PSPC1: variants seen among roughly 807,000 people sequenced by gnomAD.
The protein encoded by PSPC1 is paraspeckle protein 1.
PSPC1 carries 14 observed loss-of-function variants against 51.6 expected under a neutral mutation model. That is an observed-to-expected ratio of 0.27 (90% confidence interval 0.18 to 0.42). The LOEUF (loss-of-function observed/expected upper bound fraction) is 0.42, where lower values mean the gene tolerates loss of function less well. Among genes scored for constraint, PSPC1 ranks in the 10% least tolerant of loss-of-function variants. The probability of loss-of-function intolerance (pLI) is 1.00; values close to 1 mark genes in which losing one functional copy is unlikely to be tolerated. For missense variants in PSPC1, 406 were observed against 701.1 expected, an observed-to-expected ratio of 0.58 and a Z score of 4.75; for synonymous variants, 193 against 231.9, an observed-to-expected ratio of 0.83 and a Z score of 1.53.
At chr13:19,703,939 G>T (rs28505289) in intron 8 of PSPC1, among the ~76,000 whole-genome samples, 1 of 151,912 alleles carries the variant, frequency 6.6e-6, no homozygotes, top group Non-Finnish European at 1.5e-5. Flanking sequence ...AAAAATTAAT[G>T]TAATAACATG....
intron 6 of PSPC1, among the ~76,000 whole-genome samples, chr13:19,696,144 T>C (rs1204237895): frequency 6.6e-6 from 1 of 152,136 alleles, no homozygotes; most frequent in African/African-American, 2.4e-5. Flanking sequence ...AATCTCAAAA[T>C]GGCTGATTCA....
Position 19,782,288 on chromosome 13 carries a change from T to A in PSPC1, c.372+98A>T. The A allele has an allele frequency of 6.9e-7, 1 of 1,453,214 alleles. No homozygotes were observed. The highest frequency in any genetic ancestry group is 9.0e-7 in the Non-Finnish European group (1 of 1,105,980). The allele number at this position is 1,453,214 out of a possible 1,614,324, so 90.0% of individuals were successfully genotyped here. A position where few individuals can be genotyped will look rare whatever the true frequency, so the allele number is the denominator to read the frequency against. On this transcript the variant is annotated intron_variant, in intron 1 of 8. Coordinates refer to ENST00000338910, the MANE Select transcript of PSPC1 (RefSeq NM_001354909.2). The surrounding 1 kb of genome is among the most constrained non-coding windows in gnomAD (Gnocchi z 4.5). ...CGAGCGGCGCCACGGTTGCCACAGG[T>A]TGAGACAGCGTCCTAGGACGAGGCT... is the stretch of plus-strand genomic sequence containing the variant.
intron 6 of PSPC1, among the ~76,000 whole-genome samples, chr13:19,693,108 G>A (rs1460399950): frequency 6.6e-6 from 1 of 152,038 alleles, no homozygotes; most frequent in Non-Finnish European, 1.5e-5. Context: ...CAGTCTTAGC[G>A]TCCTCCCCTT....
At chr13:19,694,152 CATAT>C (rs68075347) in intron 6 of PSPC1, among the ~76,000 whole-genome samples, 3 of 119,860 alleles carry the variant, frequency 2.5e-5, no homozygotes, top group African/African-American at 3.2e-5. Context: ...AAAAAAAAAC[CATAT>C]ATATATATAT....
intron 4 of PSPC1, among the ~76,000 whole-genome samples, chr13:19,747,526 T>TA (rs1886119808): frequency 6.6e-6 from 1 of 152,010 alleles, no homozygotes; most frequent in Non-Finnish European, 1.5e-5. Context: ...AGAGACGGGG[T>TA]CTCACTGTGT....
intron 4 of PSPC1, among the ~76,000 whole-genome samples, chr13:19,746,994 G>GCTA (rs1302284892): frequency 1.3e-5 from 2 of 152,028 alleles, no homozygotes; most frequent in South Asian, 4.1e-4. Flanking sequence ...TGTAATCCCA[G>GCTA]CTACTCAAGA....
intron 2 of PSPC1, among the ~76,000 whole-genome samples, chr13:19,763,156 C>A (rs2340649): frequency 0.8 from 121,760 of 151,798 alleles, 50,140 homozygotes; most frequent in East Asian, 0.96. Flanking sequence ...ATAATAACTA[C>A]ATTTATTCTT....
intron 6 of PSPC1, among the ~76,000 whole-genome samples, chr13:19,721,131 T>C (rs1170503930): frequency 1.3e-5 from 2 of 152,188 alleles, no homozygotes; most frequent in African/African-American, 4.8e-5. Flanking sequence ...AGATCTTAGA[T>C]ACTGACTAGC....
chr13:19,721,240 T>C (rs1882732964), intron 6 of PSPC1, among the ~76,000 whole-genome samples: 1 of 150,826 alleles, frequency 6.6e-6, no homozygotes, highest in Non-Finnish European at 1.5e-5. Flanking sequence ...GTTAAATTTT[T>C]ATGCCTTCTG....
intron 3 of PSPC1, among the ~76,000 whole-genome samples, chr13:19,758,022 A>C (rs1220570517): frequency 6.6e-6 from 1 of 152,156 alleles, no homozygotes; most frequent in African/African-American, 2.4e-5. Flanking sequence ...ACTTAAAAAA[A>C]AAATGCACTC....
chr13:19,677,658 G>GA (rs1326088643), intron 7 of PSPC1: 15 of 410,318 alleles, frequency 3.7e-5, no homozygotes, highest in African/African-American at 2.3e-4. Flanking sequence ...GAATTGACTA[G>GA]AAAAAACTAG....
At chr13:19,752,914 G>T (rs932685272) in intron 3 of PSPC1, among the ~76,000 whole-genome samples, 1 of 151,806 alleles carries the variant, frequency 6.6e-6, no homozygotes, top group African/African-American at 2.4e-5. Context: ...AATTTTTGTT[G>T]TTGGAGGTGT....
chr13:19,725,946 G>T (rs893403220), intron 6 of PSPC1, among the ~76,000 whole-genome samples: 2 of 152,100 alleles, frequency 1.3e-5, no homozygotes, highest in East Asian at 3.8e-4. Flanking sequence ...GATAGCTTCA[G>T]GAGGTCAAGA....
At chr13:19,760,983 G>A (rs1052931380) in intron 2 of PSPC1, among the ~76,000 whole-genome samples, 3 of 151,064 alleles carry the variant, frequency 2.0e-5, no homozygotes, top group Admixed American at 6.6e-5. Flanking sequence ...GTGAAACTCC[G>A]TCTCAAATTA....
At position 19,754,805 on chromosome 13, in the gene PSPC1, T is replaced by G. The variant is rs112656948; in HGVS notation, c.771-3338A>C. Among the ~76,000 whole-genome samples the G allele has an allele frequency of 5.7e-3, 863 of 152,338 alleles. 8 individuals carry two copies. The highest frequency in any genetic ancestry group is 8.8e-3 in the Non-Finnish European group (602 of 68,032). ...AAACAAATATTGCCTATAAAGTCTA[T>G]TCTTGTTAACAACCTTGTACTTCTA... On this transcript the variant is annotated intron_variant, in intron 3 of 8. Coordinates refer to ENST00000338910, the MANE Select transcript of PSPC1 (RefSeq NM_001354909.2).
intron 5 of PSPC1, among the ~76,000 whole-genome samples, chr13:19,739,353 CA>C (rs1566014143): frequency 6.6e-6 from 1 of 152,072 alleles, no homozygotes; most frequent in Non-Finnish European, 1.5e-5. Flanking sequence ...GGTATAATTT[CA>C]AAAAGCCTAG....
intron 4 of PSPC1, among the ~76,000 whole-genome samples, chr13:19,745,757 C>T (rs1171795742): frequency 6.6e-6 from 1 of 151,670 alleles, no homozygotes; most frequent in African/African-American, 2.4e-5. Context: ...GTAGCTGGGA[C>T]TACAGGCGCA....
chr13:19,780,984 C>A (rs956817672), intron 1 of PSPC1, among the ~76,000 whole-genome samples: 3 of 151,892 alleles, frequency 2.0e-5, no homozygotes, highest in African/African-American at 4.8e-5. Context: ...TGGCGAAACA[C>A]CGCCTCTACA....
chr13:19,765,750 A>C (rs1444554926), intron 2 of PSPC1, among the ~76,000 whole-genome samples: 1 of 152,176 alleles, frequency 6.6e-6, no homozygotes, highest in African/African-American at 2.4e-5. Context: ...CAAAAAAAAG[A>C]AAGCAAAAAA....
Sources: gnomAD v4.1 joint callset for allele counts (sites outside exome capture counted in the v4.1 genomes callset) on GRCh38, gnomAD v4.1.1 for gene constraint, Gnocchi (gnomAD v3.1) non-coding constraint, MANE v1.5 for transcripts, NCBI Gene and HGNC (gene_info 2026-07-23, HGNC 2026-07-21) for gene names.